Variants in MDGA2 observed in about 807,000 individuals in gnomAD.
MDGA2 encodes the protein MAM domain-containing glycosylphosphatidylinositol anchor protein 2.
In MDGA2, 40 loss-of-function variants were observed where a neutral mutation model predicts 117.8. The observed-to-expected ratio is 0.34, with a 90% CI of 0.26 to 0.44. The LOEUF (loss-of-function observed/expected upper bound fraction) is 0.44, where lower values mean the gene tolerates loss of function less well. Among genes scored for constraint, MDGA2 ranks in the 20% least tolerant of loss-of-function variants. The probability of loss-of-function intolerance (pLI) is 1.00; values close to 1 mark genes in which losing one functional copy is unlikely to be tolerated. For missense variants in MDGA2, 1,123 were observed against 1,250.6 expected (o/e 0.90, Z 1.54); for synonymous variants, 452 against 439.0 (o/e 1.03, Z -0.37).
intron 1 of MDGA2, among the ~76,000 whole-genome samples, chr14:47,668,354 A>G (rs543340548): frequency 2.0e-4 from 31 of 152,318 alleles, no homozygotes; most frequent in African/African-American, 7.2e-4. Flanking sequence ...AGTAATTTGT[A>G]AAAAACAAAT....
intron 6 of MDGA2, among the ~76,000 whole-genome samples, chr14:47,075,768 T>G (rs1890467165): frequency 6.6e-6 from 1 of 152,262 alleles, no homozygotes; most frequent in East Asian, 1.9e-4. Flanking sequence ...CTTTGTACTA[T>G]TCTTGATATT....
intron 1 of MDGA2, among the ~76,000 whole-genome samples, chr14:47,345,706 TGAAG>T (rs1890748691): frequency 6.6e-6 from 1 of 152,084 alleles, no homozygotes; most frequent in Admixed American, 6.6e-5. Flanking sequence ...TGAATTACAA[TGAAG>T]CTTAAAGAAT....
At chr14:47,328,896 A>G (rs1328916216) in intron 1 of MDGA2, among the ~76,000 whole-genome samples, 1 of 152,114 alleles carries the variant, frequency 6.6e-6, no homozygotes, top group Non-Finnish European at 1.5e-5. Flanking sequence ...TCCCCAAATA[A>G]AAAAGATAAG....
intron 7 of MDGA2, chr14:47,059,158 T>G (rs1293999596): frequency 2.4e-6 from 2 of 823,414 alleles, no homozygotes; most frequent in East Asian, 7.4e-5. Context: ...ATGCATAAAT[T>G]AGTCATTTTG....
chr14:47,598,514 T>G (rs979630535), intron 1 of MDGA2, among the ~76,000 whole-genome samples: 2 of 152,208 alleles, frequency 1.3e-5, no homozygotes, highest in Non-Finnish European at 2.9e-5. Context: ...GAAATTTTGA[T>G]ACATGTGACA....
intron 1 of MDGA2, among the ~76,000 whole-genome samples, chr14:47,426,715 T>C (rs1003483787): frequency 7.0e-6 from 1 of 143,688 alleles, no homozygotes; most frequent in Admixed American, 7.2e-5. Context: ...TATATATACA[T>C]ATATGTATCT....
intron 1 of MDGA2, among the ~76,000 whole-genome samples, chr14:47,517,676 T>C (rs554318657): frequency 8.5e-5 from 13 of 152,134 alleles, no homozygotes; most frequent in Non-Finnish European, 1.8e-4. Flanking sequence ...GACACCTCTG[T>C]CCTTCAGTTA....
chr14:47,117,647 G>A (rs527879177), intron 5 of MDGA2, among the ~76,000 whole-genome samples: 3 of 152,086 alleles, frequency 2.0e-5, no homozygotes, highest in South Asian at 4.1e-4. Context: ...AAATGAGCCC[G>A]AAAGAGAAAT....
At chr14:47,573,265 T>C (rs940428104) in intron 1 of MDGA2, among the ~76,000 whole-genome samples, 1 of 152,188 alleles carries the variant, frequency 6.6e-6, no homozygotes, top group Non-Finnish European at 1.5e-5. Flanking sequence ...ATGAGCATTA[T>C]TCTTTTGGGG....
intron 1 of MDGA2, among the ~76,000 whole-genome samples, chr14:47,318,703 C>A (rs1230457910): frequency 6.7e-6 from 1 of 148,706 alleles, no homozygotes; most frequent in Non-Finnish European, 1.5e-5. Flanking sequence ...CAACGCTTAC[C>A]GAATGAATTA....
At chr14:47,441,288 C>T (rs932017168) in intron 1 of MDGA2, among the ~76,000 whole-genome samples, 1 of 152,002 alleles carries the variant, frequency 6.6e-6, no homozygotes, top group African/African-American at 2.4e-5. Flanking sequence ...AGAATGGGCT[C>T]ACAATGCAGG....
At chr14:47,275,895 C>G (rs1447369877) in intron 2 of MDGA2, among the ~76,000 whole-genome samples, 2 of 152,120 alleles carry the variant, frequency 1.3e-5, no homozygotes, top group East Asian at 3.9e-4. Context: ...TCCTGTTCTT[C>G]CCTGCATTAA....
intron 1 of MDGA2, among the ~76,000 whole-genome samples, chr14:47,586,410 G>A (rs1896325903): frequency 6.6e-6 from 1 of 151,856 alleles, no homozygotes; most frequent in South Asian, 2.1e-4. Context: ...CAAAATACTG[G>A]GATTTGAGTA....
intron 2 of MDGA2, 87 bp from the exon 3 acceptor site, chr14:47,218,282 A>T: frequency 8.8e-7 from 1 of 1,134,108 alleles, no homozygotes; most frequent in South Asian, 1.9e-5. Flanking sequence ...AAGAGTTTGC[A>T]TTTAGAGCTG....
chr14:47,558,802 T>C (rs886112850), intron 1 of MDGA2, among the ~76,000 whole-genome samples: 3 of 152,202 alleles, frequency 2.0e-5, no homozygotes, highest in Non-Finnish European at 2.9e-5. Flanking sequence ...GGTGTATTTA[T>C]GATGAGAAAT....
chr14:46,903,455 A>C (rs1395557388), intron 10 of MDGA2, among the ~76,000 whole-genome samples: 1 of 152,184 alleles, frequency 6.6e-6, no homozygotes, highest in African/African-American at 2.4e-5. Context: ...CAAAACAGTA[A>C]ATTTTATTTG....
At chr14:47,631,422 A>T (rs1271014050) in intron 1 of MDGA2, among the ~76,000 whole-genome samples, 3 of 152,148 alleles carry the variant, frequency 2.0e-5, no homozygotes, top group Non-Finnish European at 4.4e-5. Context: ...TTTTAAAATG[A>T]TTAAATTTCT....
chr14:47,065,788 T>A (rs1179454801), intron 6 of MDGA2, among the ~76,000 whole-genome samples: 1 of 152,188 alleles, frequency 6.6e-6, no homozygotes, highest in Non-Finnish European at 1.5e-5. Context: ...AGTATCTATT[T>A]CAGAAGAATG....
intron 2 of MDGA2, among the ~76,000 whole-genome samples, chr14:47,220,276 G>A (rs979466057): frequency 2.6e-5 from 4 of 152,128 alleles, no homozygotes; most frequent in African/African-American, 7.2e-5. Context: ...TGACCTCAAA[G>A]TCTACAAAGA....
Sources: gnomAD v4.1 joint callset for allele counts (sites outside exome capture counted in the v4.1 genomes callset) on GRCh38, gnomAD v4.1.1 for gene constraint, MANE v1.5 for transcripts, NCBI Gene and HGNC (gene_info 2026-07-23, HGNC 2026-07-21) for gene names.